Variants in PLBD1 observed in about 807,000 individuals in gnomAD.
PLBD1 encodes the protein lysosomal leucine aminopeptidase.
A neutral mutation model predicts 63.0 loss-of-function variants in PLBD1; 60 were observed. The ratio of observed to expected loss-of-function variants is 0.95; its 90% CI spans 0.77 to 1.18. The LOEUF (loss-of-function observed/expected upper bound fraction) is 1.18. Among genes scored for constraint, PLBD1 ranks in the 50% most tolerant of loss-of-function variants. PLBD1 has a pLI of 0.00. For missense variants in PLBD1, 598 were observed against 677.9 expected, an observed-to-expected ratio of 0.88 and a Z score of 1.31; for synonymous variants, 262 against 248.0, an observed-to-expected ratio of 1.06 and a Z score of -0.53.
intron 6 of PLBD1, among the ~76,000 whole-genome samples, chr12:14,531,914 G>A (rs973377996): frequency 7.2e-5 from 11 of 152,218 alleles, no homozygotes; most frequent in Non-Finnish European, 1.6e-4. Flanking sequence ...ACAGGCATGA[G>A]CCTGCTTAGC....
In PLBD1 at chr12:14,562,459, CAAAAAAAA is replaced by C. The variant is rs58838197; in HGVS notation, c.115+5115_115+5122del. On this transcript the variant is annotated intron_variant, in intron 1 of 10. Transcript: ENST00000240617. Reference sequence around the variant, plus strand: ...TGAGTGACAGAGTGAGACTCCCTCTCAAAAAAAAAAAAAAAAAAAAGACTGTAACTGAA... The same window carrying C: ...TGAGTGACAGAGTGAGACTCCCTCTCAAAAAAAAAAAAGACTGTAACTGAA... 3.0e-3 allele frequency among the ~76,000 whole-genome samples: 310 copies of C among 102,040 alleles called. 2 individuals carry two copies. The highest frequency in any genetic ancestry group is 0.011 in the Middle Eastern group (2 of 180). 66.9% of individuals were successfully genotyped at this position (102,040 alleles called of 152,430 possible). A position where few individuals can be genotyped will look rare whatever the true frequency, so the allele number is the denominator to read the frequency against.
At chr12:14,505,075 G>T (rs561728363) in intron 10 of PLBD1, among the ~76,000 whole-genome samples, 2 of 148,212 alleles carry the variant, frequency 1.3e-5, no homozygotes, top group Non-Finnish European at 3.0e-5. Context: ...ATTCATTGGG[G>T]TTTCATCTGT....
chr12:14,533,877 G>C (rs891590942), intron 6 of PLBD1, among the ~76,000 whole-genome samples: 4 of 152,212 alleles, frequency 2.6e-5, no homozygotes, highest in Non-Finnish European at 5.9e-5. Context: ...GGACATGATT[G>C]CTCACACCTT....
intron 6 of PLBD1, among the ~76,000 whole-genome samples, chr12:14,516,674 G>T (rs552558129): frequency 6.6e-6 from 1 of 152,238 alleles, no homozygotes; most frequent in Non-Finnish European, 1.5e-5. Flanking sequence ...ATCCCAGAAA[G>T]CCTCACTTAT....
intron 2 of PLBD1, among the ~76,000 whole-genome samples, chr12:14,547,382 C>T (rs974055909): frequency 3.3e-5 from 5 of 152,136 alleles, no homozygotes; most frequent in Admixed American, 1.3e-4. Context: ...CCTCATCCCT[C>T]GTCCTGGGAC....
In PLBD1 at chr12:14,511,374, G is replaced by T. The variant is rs1945296965; in HGVS notation, c.1072C>A (p.Leu358Met). 1.2e-6 allele frequency: 2 copies of T among 1,613,740 alleles called. No homozygotes were observed. Among genetic ancestry groups the T allele is most frequent in the Non-Finnish European group, 1.7e-6 (2 of 1,179,866 alleles). Residue 358 changes from leucine (L) to methionine (M), a missense_variant, in exon 8 of 11, where the codon CTG (leucine) becomes ATG (methionine). Transcript: ENST00000240617. ...SGTYNNQYMV[L>M]DLKKVKLNHS... Reference sequence around the variant, plus strand: ...TTCAGCTTTACTTTCTTCAGGTCCAGAACCATGTATTGATTGTTATAGGTG... The same window carrying T: ...TTCAGCTTTACTTTCTTCAGGTCCATAACCATGTATTGATTGTTATAGGTG...
intron 6 of PLBD1, among the ~76,000 whole-genome samples, chr12:14,531,837 T>C (rs1300512253): frequency 6.6e-6 from 1 of 152,162 alleles, no homozygotes; most frequent in Admixed American, 6.5e-5. Flanking sequence ...CTTGCCATGT[T>C]GCCCAGGTCT....
chr12:14,504,771 A>G (rs1288075690), intron 10 of PLBD1, among the ~76,000 whole-genome samples: 1 of 152,232 alleles, frequency 6.6e-6, no homozygotes, highest in Non-Finnish European at 1.5e-5. Context: ...ACTGGCTAGC[A>G]GTGGGTCTTA....
rs567467067 is a variant in PLBD1, at chr12:14,542,583, G to A, written c.336-292C>T. 2.0e-5 allele frequency among the ~76,000 whole-genome samples: 3 copies of A among 152,184 alleles called. No homozygotes were observed. The East Asian group carries it at 5.8e-4, about 29-fold the overall frequency. Reference sequence around the variant, plus strand: ...AAAAATCAAACAAAAAATTTGAGTCGAAGCCTCTGTGTGCACTTCCTGATG... The same window carrying A: ...AAAAATCAAACAAAAAATTTGAGTCAAAGCCTCTGTGTGCACTTCCTGATG... On this transcript the variant is annotated intron_variant, in intron 2 of 10. Transcript: ENST00000240617.
chr12:14,524,388 C>T lies in PLBD1; in HGVS notation c.844+11271G>A, dbSNP rs12229233. Reference sequence around the variant, plus strand: ...TGATTTGTTCACTACACAATGTATACATGCATCAAAACATCACACTGTCCC... The same window carrying T: ...TGATTTGTTCACTACACAATGTATATATGCATCAAAACATCACACTGTCCC... On this transcript the variant is annotated intron_variant, in intron 6 of 10. Coordinates refer to ENST00000240617, the MANE Select transcript of PLBD1 (RefSeq NM_024829.6). Among the ~76,000 whole-genome samples, 237 of 152,180 alleles carry T rather than the reference C, an allele frequency of 1.6e-3. 3 individuals carry two copies. The South Asian group carries it at 0.021, about 14-fold the overall frequency.
chr12:14,564,963 G>A (rs1366269184), intron 1 of PLBD1, among the ~76,000 whole-genome samples: 3 of 152,094 alleles, frequency 2.0e-5, no homozygotes. Context: ...GTGACCACCT[G>A]ACTTCTCTAT....
intron 8 of PLBD1, among the ~76,000 whole-genome samples, chr12:14,507,936 C>T (rs556691822): frequency 6.6e-6 from 1 of 152,188 alleles, no homozygotes; most frequent in African/African-American, 2.4e-5. Context: ...CAAGGAATGT[C>T]TCCACCATGC....
At chr12:14,520,407 A>G (rs1369781632) in intron 6 of PLBD1, among the ~76,000 whole-genome samples, 1 of 152,248 alleles carries the variant, frequency 6.6e-6, no homozygotes, top group African/African-American at 2.4e-5. Flanking sequence ...GTTGCTGCAC[A>G]CTGTGCAGGT....
chr12:14,512,273 T>G (rs1196657210), intron 6 of PLBD1, among the ~76,000 whole-genome samples: 1 of 151,932 alleles, frequency 6.6e-6, no homozygotes, highest in Non-Finnish European at 1.5e-5. Flanking sequence ...CTCAGCCTCC[T>G]GAGTAGCTGG....
At chr12:14,534,658 C>T (rs749079835) in intron 6 of PLBD1, among the ~76,000 whole-genome samples, 76 of 152,142 alleles carry the variant, frequency 5.0e-4, no homozygotes, top group Non-Finnish European at 7.9e-4. Context: ...ATTCTCTCGC[C>T]TCAGCCTCCA....
intron 2 of PLBD1, among the ~76,000 whole-genome samples, chr12:14,544,008 T>A (rs1012168335): frequency 1.1e-5 from 1 of 92,924 alleles, no homozygotes; most frequent in Non-Finnish European, 2.6e-5. Context: ...TATCTTGGTA[T>A]CTTCTGACAC....
intron 2 of PLBD1, among the ~76,000 whole-genome samples, chr12:14,542,940 G>A (rs1266866939): frequency 2.0e-5 from 3 of 152,130 alleles, no homozygotes; most frequent in African/African-American, 7.2e-5. Context: ...CCAGCTACTC[G>A]GGAGGCTGAG....
chr12:14,566,221 C>T (rs1945779933), intron 1 of PLBD1, among the ~76,000 whole-genome samples: 1 of 152,294 alleles, frequency 6.6e-6, no homozygotes, highest in Non-Finnish European at 1.5e-5. Context: ...ACCAAGGCCA[C>T]CTCCATAGTT....
intron 6 of PLBD1, chr12:14,533,064 A>G (rs1169652194): frequency 1.3e-5 from 2 of 152,144 alleles, no homozygotes; most frequent in Non-Finnish European, 2.9e-5. Context: ...GTATTTTAGA[A>G]AAGACTAAAA....
Sources: allele counts gnomAD v4.1 joint callset (sites outside exome capture counted in the v4.1 genomes callset), GRCh38; gene constraint gnomAD v4.1.1; transcripts MANE v1.5; gene names NCBI Gene and HGNC (gene_info 2026-07-23, HGNC 2026-07-21).